EVL: variants seen among roughly 807,000 people sequenced by gnomAD.
The protein encoded by EVL is Enah/Vasp-like.
A neutral mutation model predicts 59.6 loss-of-function variants in EVL; 21 were observed. That is an observed-to-expected ratio of 0.35 (90% CI 0.25 to 0.51). EVL has a LOEUF of 0.51. Ranked by LOEUF, EVL falls within the 20% of genes least tolerant of loss-of-function variation. The probability of loss-of-function intolerance (pLI) is 0.97; values close to 1 mark genes in which losing one functional copy is unlikely to be tolerated. For synonymous variants in EVL, 198 were observed against 203.5 expected, an observed-to-expected ratio of 0.97 and a Z score of 0.23; for missense variants, 462 against 546.6, an observed-to-expected ratio of 0.85 and a Z score of 1.54.
rs575970067 is a variant in EVL at position 100,140,105 on chromosome 14, G to GA, written c.1095-1065dup. 273 of 146,024 alleles carry GA rather than the reference G, an allele frequency of 1.9e-3. 2 individuals carry two copies. The highest frequency in any genetic ancestry group is 3.5e-3 in the South Asian group (16 of 4,588). 9.0% of individuals were successfully genotyped at this position (146,024 alleles called of 1,614,324 possible). On this transcript the variant is annotated intron_variant, in intron 11 of 13. Transcript: ENST00000392920. ...CCCATCTCTACAAAAAGTTAAAAAA[G>GA]AAAAAAAAAAGGGCACATGTCTGTA...
At chr14:100,010,611 G>A (rs200386559) in intron 1 of EVL, among the ~76,000 whole-genome samples, 2 of 152,110 alleles carry the variant, frequency 1.3e-5, no homozygotes, top group East Asian at 3.9e-4. Flanking sequence ...TGGCCAGGCT[G>A]GTCTCAAACT....
At chr14:100,016,716 A>C (rs1418755575) in intron 1 of EVL, among the ~76,000 whole-genome samples, 2 of 152,152 alleles carry the variant, frequency 1.3e-5, no homozygotes, top group Non-Finnish European at 2.9e-5. Flanking sequence ...TGTTTCTGAC[A>C]CTTTGGTGTT....
intron 3 of EVL, among the ~76,000 whole-genome samples, chr14:100,111,148 ATTTT>A (rs35367426): frequency 0.032 from 2,816 of 86,728 alleles, 17 homozygotes; most frequent in Non-Finnish European, 0.045. Context: ...TAGTGTCCTC[ATTTT>A]TTTTTTTTTT....
intron 1 of EVL, among the ~76,000 whole-genome samples, chr14:100,051,800 C>G (rs753508846): frequency 1.3e-5 from 2 of 152,170 alleles, no homozygotes; most frequent in Non-Finnish European, 2.9e-5. Context: ...TTCTAACTTC[C>G]GTGTATATTC....
intron 3 of EVL, 65 bp from the exon 4 acceptor site, chr14:100,123,474 C>G (rs1595222315): frequency 1.3e-6 from 2 of 1,541,614 alleles, no homozygotes; most frequent in East Asian, 2.3e-5. Flanking sequence ...AGAGAGCACT[C>G]CAGTTGGGTT....
rs1044664222 is a variant in EVL, at chr14:100,127,418, A to G, written c.487+647A>G. ...GACTATTATCCTGTTGACTGATGAGAAACCCGAGCCCCCACTGGTTACAGG... is the reference window on the plus strand; with the variant it reads ...GACTATTATCCTGTTGACTGATGAGGAACCCGAGCCCCCACTGGTTACAGG... On this transcript the variant is annotated intron_variant, in intron 5 of 13. Coordinates refer to ENST00000392920, the MANE Select transcript of EVL (RefSeq NM_016337.3). This position sits in a 1 kb window ranked among gnomAD's most constrained non-coding sequence, Gnocchi z 4.2. 6.6e-6 allele frequency among the ~76,000 whole-genome samples: 1 copy of G among 152,172 alleles called. No individual in the cohort carries two copies.
At chr14:100,034,450 G>A (rs1213625161) in intron 1 of EVL, among the ~76,000 whole-genome samples, 1 of 151,950 alleles carries the variant, frequency 6.6e-6, no homozygotes, top group Non-Finnish European at 1.5e-5. Context: ...TCTGGACCTG[G>A]CAATTAGAAG....
chr14:99,977,691 C>A (rs1297751156), intron 1 of EVL, among the ~76,000 whole-genome samples: 1 of 152,080 alleles, frequency 6.6e-6, no homozygotes, highest in Non-Finnish European at 1.5e-5. Context: ...ACCTCGGCCC[C>A]CCAAAGTGCT....
chr14:99,983,681 A>G (rs2060822825), intron 1 of EVL, among the ~76,000 whole-genome samples: 1 of 152,244 alleles, frequency 6.6e-6, no homozygotes, highest in African/African-American at 2.4e-5. Context: ...TTCTCTCTCA[A>G]AGAATTCTTA....
At chr14:100,129,769 T>C in intron 7 of EVL, 85 bp downstream of exon 7, 3 of 1,431,756 alleles carry the variant, frequency 2.1e-6, no homozygotes, top group Non-Finnish European at 2.8e-6. Flanking sequence ...GAATCCTCTC[T>C]TGACCCCAGA....
chr14:99,990,795 T>C (rs947850841), intron 1 of EVL, among the ~76,000 whole-genome samples: 1 of 152,136 alleles, frequency 6.6e-6, no homozygotes, highest in Non-Finnish European at 1.5e-5. Context: ...CTGGCTATTG[T>C]GAATAATTCT....
At chr14:100,003,333 C>T (rs1229008472) in intron 1 of EVL, among the ~76,000 whole-genome samples, 1 of 152,150 alleles carries the variant, frequency 6.6e-6, no homozygotes, top group East Asian at 1.9e-4. Flanking sequence ...GAGTCAAAGC[C>T]CTGTAACTCA....
intron 1 of EVL, among the ~76,000 whole-genome samples, chr14:100,082,955 T>C (rs2062344882): frequency 6.6e-6 from 1 of 152,190 alleles, no homozygotes; most frequent in African/African-American, 2.4e-5. Context: ...TCTGCTCCCA[T>C]AGCAGGTTCT....
intron 1 of EVL, among the ~76,000 whole-genome samples, chr14:99,998,457 T>C (rs928059104): frequency 1.3e-5 from 2 of 152,238 alleles, no homozygotes; most frequent in African/African-American, 2.4e-5. Flanking sequence ...GAGGAGTATT[T>C]ATTTTGTACA....
At chr14:100,138,629 A>AGTC (rs1595257305) in intron 11 of EVL, 1 of 152,806 alleles carries the variant, frequency 6.5e-6, no homozygotes, top group Non-Finnish European at 1.5e-5. Flanking sequence ...AAGTCTTAGC[A>AGTC]GTCAGCTGGG....
intron 1 of EVL, among the ~76,000 whole-genome samples, chr14:100,010,821 A>G (rs745981631): frequency 1.4e-4 from 22 of 152,232 alleles, no homozygotes; most frequent in Non-Finnish European, 2.5e-4. Context: ...ACGGTTAATT[A>G]TGGCAACTGC....
chr14:100,135,202 G>A (rs1360429015), intron 8 of EVL: 1 of 152,198 alleles, frequency 6.6e-6, no homozygotes, highest in Non-Finnish European at 1.5e-5. Context: ...AGATACGCAG[G>A]GCGTTCCTGA....
At chr14:100,039,316 A>C (rs1017486029) in intron 1 of EVL, among the ~76,000 whole-genome samples, 1 of 152,168 alleles carries the variant, frequency 6.6e-6, no homozygotes, top group Non-Finnish European at 1.5e-5. Flanking sequence ...GGCTCACTGC[A>C]ACTTCCGCCT....
chr14:100,116,656 C>T (rs952717415), intron 3 of EVL, among the ~76,000 whole-genome samples: 9 of 152,152 alleles, frequency 5.9e-5, no homozygotes, highest in African/African-American at 2.2e-4. Flanking sequence ...ACCCCGCGCC[C>T]ACCATACCTC....
Sources: allele counts gnomAD v4.1 joint callset (sites outside exome capture counted in the v4.1 genomes callset), GRCh38; gene constraint gnomAD v4.1.1; non-coding constraint Gnocchi (gnomAD v3.1); transcripts MANE v1.5; gene names NCBI Gene and HGNC (gene_info 2026-07-23, HGNC 2026-07-21).